Variants in KPNA3 observed in about 807,000 individuals in gnomAD.
KPNA3 encodes the protein karyopherin subunit alpha 3, also known as importin subunit alpha-4.
A neutral mutation model predicts 73.8 loss-of-function variants in KPNA3; 13 were observed. That is an observed-to-expected ratio of 0.18 (90% CI 0.11 to 0.28). The LOEUF (loss-of-function observed/expected upper bound fraction) is 0.28. KPNA3 is among the 10% of genes least tolerant of loss of function. The probability of loss-of-function intolerance (pLI) is 1.00; values close to 1 mark genes in which losing one functional copy is unlikely to be tolerated. For missense variants in KPNA3, 360 were observed against 618.1 expected (o/e 0.58, Z 4.43); for synonymous variants, 186 against 206.9 (o/e 0.90, Z 0.87).
intron 11 of KPNA3, among the ~76,000 whole-genome samples, 172 bp from the exon 12 acceptor site, chr13:49,709,872 G>A (rs985027088): frequency 7.3e-5 from 11 of 150,486 alleles, no homozygotes; most frequent in Admixed American, 6.7e-5. Context: ...ATAGTCTCTT[G>A]TGAAAAACTG....
intron 16 of KPNA3, 51 bp downstream of exon 16, chr13:49,702,335 G>A (rs1287004493): frequency 1.1e-6 from 1 of 940,312 alleles, no homozygotes; most frequent in Non-Finnish European, 1.7e-6. Context: ...TTTACATCAT[G>A]TATAGGTTTT....
intron 1 of KPNA3, among the ~76,000 whole-genome samples, chr13:49,790,293 C>A (rs746647910): frequency 6.6e-6 from 1 of 152,070 alleles, no homozygotes; most frequent in Admixed American, 6.6e-5. Context: ...AAAGCGAGAC[C>A]CCGTCTCTAA....
intron 2 of KPNA3, among the ~76,000 whole-genome samples, chr13:49,741,138 T>A (rs1954570170): frequency 6.6e-6 from 1 of 152,196 alleles, no homozygotes; most frequent in African/African-American, 2.4e-5. Context: ...TGGCTTCATT[T>A]TTCCTTTGGA....
intron 15 of KPNA3, among the ~76,000 whole-genome samples, chr13:49,705,172 A>C (rs1954194352): frequency 6.6e-6 from 1 of 152,116 alleles, no homozygotes; most frequent in Non-Finnish European, 1.5e-5. Flanking sequence ...CAGCCTGGCC[A>C]ACATGGTGAA....
chr13:49,765,345 TAG>T (rs368312795), intron 1 of KPNA3, among the ~76,000 whole-genome samples: 2 of 152,392 alleles, frequency 1.3e-5, no homozygotes, highest in East Asian at 3.8e-4. Flanking sequence ...GTATATATTC[TAG>T]GTTATGATTA....
At chr13:49,740,558 A>G (rs891145484) in intron 2 of KPNA3, among the ~76,000 whole-genome samples, 6 of 152,132 alleles carry the variant, frequency 3.9e-5, no homozygotes, top group Admixed American at 1.3e-4. Flanking sequence ...TGCCTGCACA[A>G]GCTCTCTTGT....
At chr13:49,784,760 G>A (rs1954968253) in intron 1 of KPNA3, among the ~76,000 whole-genome samples, 1 of 152,062 alleles carries the variant, frequency 6.6e-6, no homozygotes. Context: ...TTGTGTCTGC[G>A]GTGCCTACGA....
chr13:49,732,764 G>A lies in KPNA3; in HGVS notation c.217C>T (p.Leu73=). The A allele has an allele frequency of 2.5e-6, 4 of 1,574,068 alleles. No homozygotes were observed. The highest frequency in any genetic ancestry group is 2.6e-6 in the Non-Finnish European group (3 of 1,152,882). Reference sequence around the variant, plus strand: ...TAACATACCTGCAATATAGCTTCTAGGGTTACATTTTGCTTAAAAAGAAAA... The same window carrying A: ...TAACATACCTGCAATATAGCTTCTAAGGTTACATTTTGCTTAAAAAGAAAA... ...DADFKAQNVT[L]EAILQNATSD... is the part of the protein sequence containing the mutation. The change falls in exon 4 of 17, where the codon CTA becomes TTA. Residue 73 remains leucine (L), a synonymous_variant. Coordinates refer to ENST00000261667, the MANE Select transcript of KPNA3 (RefSeq NM_002267.4).
intron 1 of KPNA3, among the ~76,000 whole-genome samples, chr13:49,771,619 T>A (rs1012503860): frequency 6.6e-6 from 1 of 152,156 alleles, no homozygotes; most frequent in Admixed American, 6.5e-5. Context: ...CCCAGCTTTT[T>A]AAATTTTTGA....
intron 1 of KPNA3, among the ~76,000 whole-genome samples, chr13:49,769,304 C>T (rs572471547): frequency 6.6e-6 from 1 of 152,150 alleles, no homozygotes; most frequent in Admixed American, 6.5e-5. Flanking sequence ...ATATAATGCC[C>T]ACGCCATAAA....
chr13:49,702,320 G>C, intron 16 of KPNA3, 66 bp downstream of exon 16: 2 of 843,304 alleles, frequency 2.4e-6, no homozygotes, highest in Non-Finnish European at 3.9e-6. Flanking sequence ...AAAACTCTTA[G>C]TAAATTTACA....
intron 1 of KPNA3, among the ~76,000 whole-genome samples, chr13:49,763,409 A>C (rs1954784355): frequency 6.6e-6 from 1 of 152,216 alleles, no homozygotes; most frequent in South Asian, 2.1e-4. Context: ...GAGGGTAAGA[A>C]ACATAAAGGA....
chr13:49,739,340 T>G (rs1181819418), intron 2 of KPNA3, among the ~76,000 whole-genome samples: 1 of 152,174 alleles, frequency 6.6e-6, no homozygotes, highest in African/African-American at 2.4e-5. Flanking sequence ...GAAGCATTAT[T>G]CAACCAACAC....
chr13:49,792,349 G>A (rs1457871572), intron 1 of KPNA3, 89 bp downstream of exon 1: 5 of 849,564 alleles, frequency 5.9e-6, no homozygotes, highest in East Asian at 7.9e-5. Flanking sequence ...ACAAGCCGAC[G>A]AGAACCAGCC....
At chr13:49,711,048 A>G (rs1263321496) in intron 10 of KPNA3, 26 bp from the exon 11 acceptor site, 2 of 1,586,370 alleles carry the variant, frequency 1.3e-6, no homozygotes, top group Admixed American at 1.9e-5. Flanking sequence ...AAGAAAAACC[A>G]TTTTACATAT....
intron 1 of KPNA3, among the ~76,000 whole-genome samples, chr13:49,764,264 T>C (rs2137586897): frequency 6.6e-6 from 1 of 152,180 alleles, no homozygotes; most frequent in African/African-American, 2.4e-5. Context: ...TCTGGGTTGT[T>C]TCAATTCTCA....
chr13:49,711,052 T>C, intron 10 of KPNA3, 30 bp from the exon 11 acceptor site: 1 of 1,584,856 alleles, frequency 6.3e-7, no homozygotes, highest in South Asian at 1.2e-5. Context: ...AAAACCATTT[T>C]ACATATTTGT....
At chr13:49,770,494 T>A (rs1954844163) in intron 1 of KPNA3, among the ~76,000 whole-genome samples, 1 of 152,088 alleles carries the variant, frequency 6.6e-6, no homozygotes, top group Non-Finnish European at 1.5e-5. Context: ...TTCTACTTCC[T>A]TGATGGCGTA....
chr13:49,702,071 C>T (rs556477776), intron 16 of KPNA3, among the ~76,000 whole-genome samples, 173 bp from the exon 17 acceptor site: 1 of 152,254 alleles, frequency 6.6e-6, no homozygotes, highest in South Asian at 2.1e-4. Flanking sequence ...TAAAATTTAA[C>T]ACGTTTCGAA....
Sources: allele counts gnomAD v4.1 joint callset (sites outside exome capture counted in the v4.1 genomes callset), GRCh38; gene constraint gnomAD v4.1.1; transcripts MANE v1.5; gene names NCBI Gene and HGNC (gene_info 2026-07-23, HGNC 2026-07-21).